KCTD16: variants seen among roughly 807,000 people sequenced by gnomAD.
KCTD16 encodes BTB/POZ domain-containing protein KCTD16.
In KCTD16, 13 loss-of-function variants were observed where a neutral mutation model predicts 33.2. The observed-to-expected ratio is 0.39, with a 90% CI of 0.25 to 0.62. The LOEUF is 0.62. KCTD16 is among the 20% of genes least tolerant of loss of function. The pLI is 0.50. For synonymous variants in KCTD16, 197 were observed against 195.3 expected (o/e 1.01, Z -0.07); for missense variants, 441 against 525.1 (o/e 0.84, Z 1.57).
At chr5:144,214,513 C>G in intron 3 of KCTD16, among the ~76,000 whole-genome samples, 1 of 152,190 alleles carries the variant, frequency 6.6e-6, no homozygotes, top group Non-Finnish European at 1.5e-5. Flanking sequence ...CTGCTTCCCT[C>G]CTCAGCCTCT....
At chr5:144,297,115 A>G (rs1352344250) in intron 3 of KCTD16, among the ~76,000 whole-genome samples, 2 of 152,264 alleles carry the variant, frequency 1.3e-5, no homozygotes, top group African/African-American at 4.8e-5. Context: ...AGATGCTATT[A>G]GATGTATCAG....
chr5:144,365,051 CTT>C (rs942451088), intron 3 of KCTD16, among the ~76,000 whole-genome samples: 1 of 149,998 alleles, frequency 6.7e-6, no homozygotes, highest in Non-Finnish European at 1.5e-5. Context: ...TTATATCTCT[CTT>C]ATTTCTTTGA....
chr5:144,439,398 G>A (rs1753649932), intron 3 of KCTD16: 1 of 490,816 alleles, frequency 2.0e-6, no homozygotes, highest in South Asian at 1.6e-5. Context: ...TCAGGGATGA[G>A]TCCATTATAT....
chr5:144,293,055 T>G (rs1755938146), intron 3 of KCTD16, among the ~76,000 whole-genome samples: 1 of 152,234 alleles, frequency 6.6e-6, no homozygotes, highest in African/African-American at 2.4e-5. Context: ...CATGAGAAAC[T>G]TGGTAATTTA....
At chr5:144,469,415 T>C (rs1359789704) in intron 3 of KCTD16, among the ~76,000 whole-genome samples, 3 of 152,198 alleles carry the variant, frequency 2.0e-5, no homozygotes, top group Non-Finnish European at 4.4e-5. Flanking sequence ...ATATTCCAGC[T>C]AGATCTAAGT....
chr5:144,387,785 G>T (rs1424347242), intron 3 of KCTD16, among the ~76,000 whole-genome samples: 1 of 152,112 alleles, frequency 6.6e-6, no homozygotes, highest in African/African-American at 2.4e-5. Context: ...GCTGCCAGGT[G>T]GACACAGCTC....
At chr5:144,352,202 G>A (rs187656247) in intron 3 of KCTD16, among the ~76,000 whole-genome samples, 35 of 152,240 alleles carry the variant, frequency 2.3e-4, no homozygotes, top group Middle Eastern at 3.4e-3. Context: ...ATATGATAAT[G>A]TCCTCTTCTT....
intron 3 of KCTD16, among the ~76,000 whole-genome samples, chr5:144,241,818 T>A (rs1754411803): frequency 6.6e-6 from 1 of 152,198 alleles, no homozygotes; most frequent in African/African-American, 2.4e-5. Flanking sequence ...ACATTCAATC[T>A]TAACCCCCTA....
At chr5:144,454,161 AT>A (rs1754010102) in intron 3 of KCTD16, among the ~76,000 whole-genome samples, 1 of 152,166 alleles carries the variant, frequency 6.6e-6, no homozygotes, top group Non-Finnish European at 1.5e-5. Context: ...GTTAACTCAA[AT>A]CCTTGTGCTA....
intron 3 of KCTD16, among the ~76,000 whole-genome samples, chr5:144,426,616 T>A (rs1490120704): frequency 6.6e-6 from 1 of 152,124 alleles, no homozygotes; most frequent in Non-Finnish European, 1.5e-5. Context: ...TATTACAGAC[T>A]GAGTAATTTA....
At chr5:144,434,315 A>C (rs1753530400) in intron 3 of KCTD16, among the ~76,000 whole-genome samples, 1 of 152,084 alleles carries the variant, frequency 6.6e-6, no homozygotes, top group Non-Finnish European at 1.5e-5. Context: ...TAGATATTAG[A>C]GGTAGTCACG....
chr5:144,387,738 T>G (rs186313157), intron 3 of KCTD16, among the ~76,000 whole-genome samples: 7 of 152,272 alleles, frequency 4.6e-5, no homozygotes, highest in African/African-American at 1.4e-4. Flanking sequence ...CAAAATGGGT[T>G]TCTATGCCAC....
intron 2 of KCTD16, among the ~76,000 whole-genome samples, chr5:144,186,302 T>C (rs775578559): frequency 1.7e-4 from 26 of 149,330 alleles, no homozygotes; most frequent in Non-Finnish European, 1.5e-5. Context: ...GAAAGAAATA[T>C]GTAAATATGA....
intron 3 of KCTD16, among the ~76,000 whole-genome samples, chr5:144,253,898 C>G (rs896084115): frequency 1.3e-5 from 2 of 152,102 alleles, no homozygotes; most frequent in African/African-American, 4.8e-5. Flanking sequence ...ATATGTTTTT[C>G]ATATAAAAGT....
rs200847015 is a variant in KCTD16, at chr5:144,298,032, C to T, written c.832+90486C>T. ...CCGCTGTGCTCCTGATCCAGCAAGG[C>T]GCCCATTGCCGCTCCCGATTGGGCT... On this transcript the variant is annotated intron_variant, in intron 3 of 3. Transcript: ENST00000512467. Among the ~76,000 whole-genome samples the T allele has an allele frequency of 1.1e-4, 16 of 152,310 alleles. No homozygotes were observed. In the East Asian group the frequency reaches 1.2e-3, roughly 11 times the overall value.
intron 3 of KCTD16, among the ~76,000 whole-genome samples, chr5:144,311,723 AATACAGGT>A (rs564408536): frequency 2.1e-3 from 315 of 152,326 alleles, no homozygotes; most frequent in African/African-American, 7.4e-3. Flanking sequence ...TAAAAATATA[AATACAGGT>A]ATATGAAGTC....
intron 3 of KCTD16, among the ~76,000 whole-genome samples, chr5:144,322,698 CAAT>C (rs969961047): frequency 1.4e-5 from 2 of 145,024 alleles, no homozygotes; most frequent in African/African-American, 5.3e-5. Flanking sequence ...GTGCTTCTCA[CAAT>C]AACAACAAAA....
At chr5:144,358,795 G>A (rs1029536341) in intron 3 of KCTD16, among the ~76,000 whole-genome samples, 6 of 152,192 alleles carry the variant, frequency 3.9e-5, no homozygotes, top group African/African-American at 1.4e-4. Flanking sequence ...CCCTCAGATG[G>A]TAGAAGGAAC....
chr5:144,443,503 A>G (rs1753757061), intron 3 of KCTD16, among the ~76,000 whole-genome samples: 1 of 151,914 alleles, frequency 6.6e-6, no homozygotes, highest in Admixed American at 6.6e-5. Flanking sequence ...TTTCATAAAG[A>G]GATGCTTCTC....
Sources: gnomAD v4.1 joint callset for allele counts (sites outside exome capture counted in the v4.1 genomes callset) on GRCh38, gnomAD v4.1.1 for gene constraint, MANE v1.5 for transcripts, NCBI Gene and HGNC (gene_info 2026-07-23, HGNC 2026-07-21) for gene names.